The following SGCZ variants were observed in gnomAD, a reference collection of about 807,000 sequenced individuals.
SGCZ encodes the protein zeta-sarcoglycan.
Under a neutral mutation model 41.3 loss-of-function variants are expected in SGCZ, and 40 were observed. That is an observed-to-expected ratio of 0.97 (90% CI 0.75 to 1.26). SGCZ has a LOEUF of 1.26. SGCZ is among the 50% of genes most tolerant of loss of function. The pLI is 0.00. For missense variants in SGCZ, 552 were observed against 369.8 expected (o/e 1.49, Z -4.04); for synonymous variants, 206 against 137.5 (o/e 1.50, Z -3.49).
intron 3 of SGCZ, among the ~76,000 whole-genome samples, chr8:14,260,268 C>A (rs1433914390): frequency 6.6e-6 from 1 of 151,816 alleles, no homozygotes; most frequent in Non-Finnish European, 1.5e-5. Context: ...CAAACAACCC[C>A]ATCAAAAAGC....
In SGCZ at chr8:15,007,966, T is replaced by C. The variant is rs191047720; in HGVS notation, c.39+229619A>G. 3.5e-3 allele frequency among the ~76,000 whole-genome samples: 528 copies of C among 152,310 alleles called. 5 individuals carry two copies. Among genetic ancestry groups the C allele is most frequent in the African/African-American group, 0.012 (485 of 41,572 alleles). On this transcript the variant is annotated intron_variant, in intron 1 of 7. Coordinates refer to ENST00000382080, the MANE Select transcript of SGCZ (RefSeq NM_139167.4). The stretch of plus-strand genomic sequence containing the variant: ...TTTTTTAATCTATTCAGCATTTCCA[T>C]ACAAAATATTAATTTTATACTCTCA...
chr8:14,357,429 G>C (rs1192713624), intron 2 of SGCZ, among the ~76,000 whole-genome samples: 3 of 152,138 alleles, frequency 2.0e-5, no homozygotes, highest in Admixed American at 1.3e-4. Flanking sequence ...AATGACAATA[G>C]TTATAACATT....
chr8:14,309,563 G>T (rs1274512750), intron 3 of SGCZ: 1 of 1,610,506 alleles, frequency 6.2e-7, no homozygotes, highest in East Asian at 2.2e-5. Flanking sequence ...TACAGGGACG[G>T]TATAACAAGG....
chr8:14,660,372 G>C (rs986184337), intron 1 of SGCZ, among the ~76,000 whole-genome samples: 5 of 151,854 alleles, frequency 3.3e-5, no homozygotes, highest in African/African-American at 1.2e-4. Flanking sequence ...AAGAGTTTGA[G>C]ACCAGCCTAG....
At chr8:14,423,396 A>G (rs1388314593) in intron 2 of SGCZ, among the ~76,000 whole-genome samples, 2 of 152,126 alleles carry the variant, frequency 1.3e-5, no homozygotes, top group Non-Finnish European at 2.9e-5. Flanking sequence ...ATTTTTCAAT[A>G]AATTCATAGC....
chr8:14,863,226 C>A (rs547557621), intron 1 of SGCZ, among the ~76,000 whole-genome samples: 38 of 152,316 alleles, frequency 2.5e-4, no homozygotes, highest in South Asian at 1.2e-3. Flanking sequence ...GATAGCCTTG[C>A]AGCTCTGCCC....
chr8:14,498,630 TCTA>T (rs1802060915), intron 2 of SGCZ, among the ~76,000 whole-genome samples: 2 of 152,108 alleles, frequency 1.3e-5, no homozygotes, highest in African/African-American at 4.8e-5. Context: ...TTTAACTTTT[TCTA>T]CATTCATGAG....
intron 1 of SGCZ, among the ~76,000 whole-genome samples, chr8:15,201,400 G>A (rs944190948): frequency 1.3e-5 from 2 of 152,202 alleles, no homozygotes; most frequent in East Asian, 3.9e-4. Context: ...TTAGTCATCT[G>A]TAATTATACA....
At chr8:15,076,249 G>C (rs546492377) in intron 1 of SGCZ, among the ~76,000 whole-genome samples, 39 of 152,254 alleles carry the variant, frequency 2.6e-4, no homozygotes, top group African/African-American at 9.4e-4. Flanking sequence ...TTTGGAAAGA[G>C]AGGATTATTA....
intron 1 of SGCZ, among the ~76,000 whole-genome samples, chr8:15,235,713 G>A (rs1034454763): frequency 6.6e-6 from 1 of 152,048 alleles, no homozygotes; most frequent in Non-Finnish European, 1.5e-5. Context: ...GATAAGCTAG[G>A]AAACTAAAGG....
chr8:15,005,048 T>A (rs1802555348), intron 1 of SGCZ, among the ~76,000 whole-genome samples: 1 of 152,186 alleles, frequency 6.6e-6, no homozygotes, highest in South Asian at 2.1e-4. Context: ...TCTGCTCTTC[T>A]TTCTAGATCA....
chr8:14,256,385 G>T (rs541216366), intron 3 of SGCZ, among the ~76,000 whole-genome samples: 204 of 152,208 alleles, frequency 1.3e-3, no homozygotes, highest in African/African-American at 4.8e-3. Context: ...GTGAAAAATG[G>T]AAGATCCCTA....
intron 1 of SGCZ, among the ~76,000 whole-genome samples, chr8:14,587,148 T>C (rs1383487567): frequency 1.3e-5 from 2 of 152,138 alleles, no homozygotes; most frequent in Non-Finnish European, 2.9e-5. Context: ...ATACATATTT[T>C]ATGTATGTGT....
intron 3 of SGCZ, among the ~76,000 whole-genome samples, chr8:14,237,976 C>T (rs1279905390): frequency 2.6e-5 from 4 of 152,208 alleles, no homozygotes; most frequent in African/African-American, 9.6e-5. Context: ...TTTTCTCTCC[C>T]AGTGTCCTCT....
intron 1 of SGCZ, among the ~76,000 whole-genome samples, chr8:14,763,224 T>C (rs745720552): frequency 2.6e-5 from 4 of 152,168 alleles, no homozygotes; most frequent in Non-Finnish European, 5.9e-5. Flanking sequence ...TTTCCCTTTC[T>C]AGGAGCGTCT....
At chr8:14,709,683 G>GA (rs55736502) in intron 1 of SGCZ, among the ~76,000 whole-genome samples, 2,529 of 145,944 alleles carry the variant, frequency 0.017, 28 homozygotes, top group South Asian at 0.069. Context: ...TTTGCAAAAT[G>GA]AAAAAAAAAA....
At chr8:14,591,197 A>G (rs1805229064) in intron 1 of SGCZ, among the ~76,000 whole-genome samples, 1 of 151,928 alleles carries the variant, frequency 6.6e-6, no homozygotes, top group African/African-American at 2.4e-5. Flanking sequence ...ATTTAACAAT[A>G]TCAAATAAAC....
chr8:14,270,562 C>G (rs1449011676), intron 3 of SGCZ, among the ~76,000 whole-genome samples: 1 of 152,046 alleles, frequency 6.6e-6, no homozygotes, highest in Non-Finnish European at 1.5e-5. Flanking sequence ...TTTACTTATT[C>G]CCTGAAGGGA....
chr8:14,095,539 T>C (rs1280746320), intron 7 of SGCZ, among the ~76,000 whole-genome samples: 1 of 152,216 alleles, frequency 6.6e-6, no homozygotes, highest in African/African-American at 2.4e-5. Flanking sequence ...TGTAGCATGA[T>C]GCCTGCAGCT....
Sources: allele counts gnomAD v4.1 joint callset (sites outside exome capture counted in the v4.1 genomes callset), GRCh38; gene constraint gnomAD v4.1.1; transcripts MANE v1.5; gene names NCBI Gene and HGNC (gene_info 2026-07-23, HGNC 2026-07-21).